KCNH8: variants seen among roughly 807,000 people sequenced by gnomAD.
KCNH8 encodes voltage-gated delayed rectifier potassium channel KCNH8.
A neutral mutation model predicts 103.6 loss-of-function variants in KCNH8; 70 were observed. That is an observed-to-expected ratio of 0.68 (90% confidence interval 0.56 to 0.82). The LOEUF is 0.82. Ranked by LOEUF, KCNH8 falls within the 40% of genes least tolerant of loss-of-function variation. The pLI, the probability that KCNH8 is intolerant of heterozygous loss-of-function variation, is 0.00. For synonymous variants in KCNH8, 498 were observed against 489.4 expected (o/e 1.02, Z -0.23); for missense variants, 1,217 against 1,329.9 (o/e 0.92, Z 1.32).
intron 3 of KCNH8, among the ~76,000 whole-genome samples, chr3:19,337,999 C>A (rs1479276397): frequency 6.8e-6 from 1 of 147,106 alleles, no homozygotes; most frequent in Non-Finnish European, 1.5e-5. Flanking sequence ...GAGAGAGAGG[C>A]GGGGGGGGGA....
At position 19,305,953 on chromosome 3, in the gene KCNH8, T is replaced by A. The variant is rs185555025; in HGVS notation, c.442+24624T>A. Among the ~76,000 whole-genome samples the A allele has an allele frequency of 4.7e-3, 717 of 151,636 alleles. 2 individuals are homozygous for A. The highest frequency in any genetic ancestry group is 0.016 in the African/African-American group (676 of 41,370). ...TGGTAATGCCTTGAAAATCAAAAAA[T>A]AAAAAATAAAAAAATGGCAACATAG... is the stretch of plus-strand genomic sequence containing the variant. On this transcript the variant is annotated intron_variant, in intron 3 of 15. Transcript: ENST00000328405.
At chr3:19,510,258 C>CCG in intron 11 of KCNH8, 105 bp from the exon 12 acceptor site, 3 of 736,062 alleles carry the variant, frequency 4.1e-6, no homozygotes, top group Non-Finnish European at 7.4e-6. Flanking sequence ...TCCTTCCCTC[C>CCG]CACAAACTCT....
At chr3:19,225,529 C>T (rs918121608) in intron 1 of KCNH8, among the ~76,000 whole-genome samples, 12 of 152,058 alleles carry the variant, frequency 7.9e-5, no homozygotes, top group African/African-American at 1.4e-4. Context: ...TCTTCTCCTA[C>T]GGGCTTCTAA....
intron 3 of KCNH8, among the ~76,000 whole-genome samples, chr3:19,312,716 CCTAGGT>C (rs2065222233): frequency 6.6e-6 from 1 of 151,786 alleles, no homozygotes; most frequent in South Asian, 2.1e-4. Context: ...AAATATTTTT[CCTAGGT>C]CTTATACAAA....
intron 1 of KCNH8, among the ~76,000 whole-genome samples, chr3:19,230,834 C>A (rs1445345798): frequency 2.0e-5 from 3 of 152,160 alleles, no homozygotes; most frequent in Non-Finnish European, 4.4e-5. Context: ...TGGCACAATG[C>A]TTTCGTTCTT....
intron 11 of KCNH8, among the ~76,000 whole-genome samples, chr3:19,508,885 C>T (rs1302722972): frequency 6.6e-6 from 1 of 152,186 alleles, no homozygotes; most frequent in Non-Finnish European, 1.5e-5. Flanking sequence ...GAAGCATACT[C>T]AAATCAGAAG....
intron 1 of KCNH8, among the ~76,000 whole-genome samples, chr3:19,179,545 C>T (rs1466333985): frequency 1.3e-5 from 2 of 151,988 alleles, no homozygotes; most frequent in Non-Finnish European, 2.9e-5. Flanking sequence ...TATTTCAGAA[C>T]AAATTTTGTG....
At chr3:19,387,977 A>G (rs947881495) in intron 5 of KCNH8, among the ~76,000 whole-genome samples, 12 of 149,876 alleles carry the variant, frequency 8.0e-5, no homozygotes, top group Non-Finnish European at 1.5e-4. Context: ...TTTGTTCTTT[A>G]GTGAACCACG....
In KCNH8 at chr3:19,395,220, G is replaced by A; in HGVS notation, c.1086G>A (p.Met362Ile). Reference protein sequence around the residue: ...STIVLTLLMSMFALLAHWMAC... With the variant: ...STIVLTLLMSIFALLAHWMAC... ...TCGTCCTGACTCTGCTCATGTCCAT[G>A]TTTGCACTCCTTGCACACTGGATGG... The change falls in exon 7 of 16, where the codon ATG becomes ATA. Residue 362 changes from methionine to isoleucine, a missense_variant. Physicochemically the swap from Met to Ile is conservative, Grantham distance 10. Around this residue, in one of 3 missense-constraint regions of KCNH8, gnomAD observed 415 missense variants for 577.4 expected, o/e 0.72. Coordinates refer to ENST00000328405, the MANE Select transcript of KCNH8 (RefSeq NM_144633.3). 1 of 1,609,304 alleles carries A rather than the reference G, an allele frequency of 6.2e-7. No homozygotes were observed. The highest frequency in any genetic ancestry group is 8.5e-7 in the Non-Finnish European group (1 of 1,177,966).
chr3:19,416,618 G>A (rs2066866994), intron 7 of KCNH8, among the ~76,000 whole-genome samples: 1 of 152,008 alleles, frequency 6.6e-6, no homozygotes, highest in Non-Finnish European at 1.5e-5. Context: ...ATCTTCAATA[G>A]CGCTCTTTCT....
At chr3:19,458,525 A>ATG (rs1180332400) in intron 11 of KCNH8, among the ~76,000 whole-genome samples, 3 of 151,956 alleles carry the variant, frequency 2.0e-5, no homozygotes, top group African/African-American at 7.2e-5. Flanking sequence ...GTTTTCAAAT[A>ATG]TGTATACATT....
At chr3:19,152,154 T>A (rs554602232) in intron 1 of KCNH8, among the ~76,000 whole-genome samples, 9 of 152,250 alleles carry the variant, frequency 5.9e-5, no homozygotes, top group South Asian at 4.1e-4. Flanking sequence ...AGTTTTTTTT[T>A]AAAACATATT....
intron 11 of KCNH8, among the ~76,000 whole-genome samples, chr3:19,497,065 GT>G (rs1376553032): frequency 1.3e-5 from 2 of 151,992 alleles, no homozygotes; most frequent in African/African-American, 2.4e-5. Context: ...GTCTCTGAGG[GT>G]TTTTTATATT....
At chr3:19,285,649 T>C (rs1294283471) in intron 3 of KCNH8, among the ~76,000 whole-genome samples, 10 of 152,076 alleles carry the variant, frequency 6.6e-5, no homozygotes, top group Non-Finnish European at 1.5e-4. Context: ...ATAAGTATTA[T>C]TCCTATTCCC....
chr3:19,534,066 A>G lies in KCNH8; in HGVS notation c.3291A>G (p.Ala1097=), dbSNP rs766598989. 1.2e-6 allele frequency: 2 copies of G among 1,614,032 alleles called. No individual in the cohort carries two copies. Among genetic ancestry groups the G allele is most frequent in the Admixed American group, 3.3e-5 (2 of 60,010 alleles). ...NLPLEVVTST[A]EVKDNKAINV is the part of the protein sequence containing the mutation. ...CACTGGAAGTTGTCACAAGCACAGC[A>G]GAAGTGAAAGATAACAAAGCCATAA... The change falls in exon 16 of 16, where the codon GCA becomes GCG. Residue 1097 remains alanine, a synonymous_variant. Coordinates refer to ENST00000328405, the MANE Select transcript of KCNH8 (RefSeq NM_144633.3).
intron 11 of KCNH8, among the ~76,000 whole-genome samples, chr3:19,483,123 C>T (rs1406192049): frequency 1.3e-5 from 2 of 151,734 alleles, no homozygotes; most frequent in Non-Finnish European, 2.9e-5. Flanking sequence ...TTTTTATGGG[C>T]AGTAGGAAGA....
chr3:19,252,376 C>T (rs1302690052), intron 1 of KCNH8, among the ~76,000 whole-genome samples: 6 of 151,628 alleles, frequency 4.0e-5, no homozygotes, highest in Non-Finnish European at 5.9e-5. Context: ...ACCATAAATA[C>T]GTGAATAGCA....
chr3:19,269,628 C>G (rs537790183), intron 2 of KCNH8, among the ~76,000 whole-genome samples: 1 of 152,138 alleles, frequency 6.6e-6, no homozygotes, highest in South Asian at 2.1e-4. Flanking sequence ...TGATCTGACT[C>G]TGTGTAGACT....
chr3:19,525,879 T>C (rs1038846560), intron 15 of KCNH8, among the ~76,000 whole-genome samples: 2 of 151,888 alleles, frequency 1.3e-5, no homozygotes, highest in African/African-American at 4.8e-5. Flanking sequence ...ATGGATGAAA[T>C]GTATGCAAGT....
Sources: gnomAD v4.1 joint callset for allele counts (sites outside exome capture counted in the v4.1 genomes callset) on GRCh38, gnomAD v4.1.1 for gene constraint, gnomAD v4.1.1 regional missense constraint, MANE v1.5 for transcripts, NCBI Gene and HGNC (gene_info 2026-07-23, HGNC 2026-07-21) for gene names.